Variants in MAPRE2 observed in about 807,000 individuals in gnomAD.
The protein encoded by MAPRE2 is microtubule-associated protein RP/EB family member 2.
Under a neutral mutation model 43.2 loss-of-function variants are expected in MAPRE2, and 13 were observed. The observed-to-expected ratio is 0.30, with a 90% confidence interval of 0.20 to 0.48. MAPRE2 has a LOEUF of 0.48. MAPRE2 is among the 20% of genes least tolerant of loss of function. MAPRE2 has a pLI of 0.99. For missense variants in MAPRE2, 161 were observed against 400.2 expected (o/e 0.40, Z 5.10); for synonymous variants, 135 against 148.8 (o/e 0.91, Z 0.68).
At chr18:35,034,623 G>T (rs2097049524) in intron 2 of MAPRE2, among the ~76,000 whole-genome samples, 1 of 152,000 alleles carries the variant, frequency 6.6e-6, no homozygotes, top group African/African-American at 2.4e-5. Context: ...CTGACAAAGG[G>T]CTAATATCCA....
chr18:35,080,702 G>A (rs191513590), intron 2 of MAPRE2, among the ~76,000 whole-genome samples: 301 of 152,232 alleles, frequency 2.0e-3, no homozygotes, highest in Non-Finnish European at 3.6e-3. Flanking sequence ...CTATTAAAAA[G>A]GAGTGTCAGA....
intron 6 of MAPRE2, among the ~76,000 whole-genome samples, chr18:35,139,671 CAACCCATGAA>C (rs550487682): frequency 2.3e-4 from 35 of 152,332 alleles, no homozygotes; most frequent in African/African-American, 8.2e-4. Flanking sequence ...TTGCCTGGGA[CAACCCATGAA>C]ATGTGGCTGC....
chr18:35,018,181 C>T (rs1041503280), intron 2 of MAPRE2, among the ~76,000 whole-genome samples: 1 of 151,868 alleles, frequency 6.6e-6, no homozygotes, highest in Non-Finnish European at 1.5e-5. Context: ...GGTGGGTTAA[C>T]TTTTTGATAT....
intron 1 of MAPRE2, among the ~76,000 whole-genome samples, chr18:35,057,760 T>TA (rs551208509): frequency 6.6e-4 from 101 of 152,304 alleles, no homozygotes; most frequent in African/African-American, 2.4e-3. Context: ...TTTAAGAAGA[T>TA]ACAGGGAAAT....
chr18:34,991,337 C>T (rs1187450728), intron 1 of MAPRE2, among the ~76,000 whole-genome samples: 2 of 152,108 alleles, frequency 1.3e-5, no homozygotes, highest in Non-Finnish European at 2.9e-5. Flanking sequence ...TGTGTTCGTT[C>T]ACTGAGCCTG....
rs374139204 is a variant in MAPRE2 at position 35,140,336 on chromosome 18, C to T, written c.951C>T (p.His317=). 7.4e-6 allele frequency: 12 copies of T among 1,613,634 alleles called. No individual in the cohort carries two copies. The African/African-American group carries it at 8.0e-5, about 11-fold the overall frequency. ...AGCCGGAAGCAGAGGAGCAAGCCCA[C>T]GAACAGCAGCCCCCGCAGCAGGAAG... ...TEEPEAEEQA[H]EQQPPQQEEY The change falls in exon 7 of 7, where the codon CAC becomes CAT. Residue 317 remains histidine, a synonymous_variant. Coordinates refer to ENST00000300249, the MANE Select transcript of MAPRE2 (RefSeq NM_014268.4).
At chr18:35,062,332 T>G (rs1183931277) in intron 1 of MAPRE2, among the ~76,000 whole-genome samples, 2 of 152,256 alleles carry the variant, frequency 1.3e-5, no homozygotes, top group Non-Finnish European at 2.9e-5. Flanking sequence ...AGATGCCACT[T>G]CTAAGAGAAG....
chr18:35,079,316 T>TTACTTATCA (rs1336407454), intron 2 of MAPRE2, among the ~76,000 whole-genome samples: 1 of 152,230 alleles, frequency 6.6e-6, no homozygotes, highest in Non-Finnish European at 1.5e-5. Flanking sequence ...CACAAAGGAT[T>TTACTTATCA]TACTTATCAA....
At chr18:35,055,077 T>A (rs1357672663) in intron 1 of MAPRE2, among the ~76,000 whole-genome samples, 1 of 152,218 alleles carries the variant, frequency 6.6e-6, no homozygotes, top group Non-Finnish European at 1.5e-5. Context: ...AATGTACCAA[T>A]GTTAACAGAA....
At chr18:35,083,540 G>A (rs886873595) in intron 2 of MAPRE2, among the ~76,000 whole-genome samples, 12 of 152,272 alleles carry the variant, frequency 7.9e-5, no homozygotes, top group African/African-American at 2.9e-4. Context: ...CAGCCTCCCT[G>A]GAAGCCAGTG....
chr18:35,089,649 C>T (rs1024933070), intron 2 of MAPRE2, among the ~76,000 whole-genome samples: 1 of 152,144 alleles, frequency 6.6e-6, no homozygotes, highest in Non-Finnish European at 1.5e-5. Flanking sequence ...AAACGACAGA[C>T]AAGTGGTGAT....
intron 2 of MAPRE2, among the ~76,000 whole-genome samples, chr18:35,022,785 A>G (rs1427710690): frequency 1.3e-5 from 2 of 152,232 alleles, no homozygotes; most frequent in Non-Finnish European, 2.9e-5. Context: ...TGAGAAAACC[A>G]TACAAATTCA....
At chr18:35,088,717 A>G (rs1907993578) in intron 2 of MAPRE2, among the ~76,000 whole-genome samples, 1 of 152,222 alleles carries the variant, frequency 6.6e-6, no homozygotes, top group African/African-American at 2.4e-5. Context: ...GTTTGTTGAC[A>G]TCTATTTTTA....
intron 6 of MAPRE2, among the ~76,000 whole-genome samples, chr18:35,135,824 G>A (rs999864308): frequency 6.6e-6 from 1 of 152,262 alleles, no homozygotes; most frequent in Non-Finnish European, 1.5e-5. Context: ...TGTTGGTACA[G>A]CTGTGTGTAC....
At chr18:35,130,350 C>CTATAG (rs1910092454) in intron 5 of MAPRE2, among the ~76,000 whole-genome samples, 1 of 152,116 alleles carries the variant, frequency 6.6e-6, no homozygotes, top group African/African-American at 2.4e-5. Context: ...AATGTGCAAG[C>CTATAG]TATAGTATTA....
At chr18:35,131,875 C>T in intron 5 of MAPRE2, 157 bp from the exon 6 acceptor site, 1 of 704,694 alleles carries the variant, frequency 1.4e-6, no homozygotes, top group East Asian at 2.8e-5. Context: ...GGGTCAAGCT[C>T]CAGACAACAG....
intron 1 of MAPRE2, among the ~76,000 whole-genome samples, chr18:34,997,526 A>G (rs1205777382): frequency 6.6e-6 from 1 of 152,200 alleles, no homozygotes; most frequent in South Asian, 2.1e-4. Flanking sequence ...TAAAAGAATT[A>G]CCATTTCAGC....
chr18:35,041,689 C>T (rs1402814159), intron 1 of MAPRE2, 28 bp downstream of exon 1: 1 of 1,613,696 alleles, frequency 6.2e-7, no homozygotes, highest in Admixed American at 1.7e-5. Flanking sequence ...AGAGCAGCGC[C>T]GGGGACCGCC....
chr18:35,087,244 A>C (rs1336618468), intron 2 of MAPRE2, among the ~76,000 whole-genome samples: 2 of 151,714 alleles, frequency 1.3e-5, no homozygotes, highest in African/African-American at 2.4e-5. Flanking sequence ...CAGACAGTGT[A>C]GAAAGAATAG....
Sources: gnomAD v4.1 joint callset for allele counts (sites outside exome capture counted in the v4.1 genomes callset) on GRCh38, gnomAD v4.1.1 for gene constraint, MANE v1.5 for transcripts, NCBI Gene and HGNC (gene_info 2026-07-23, HGNC 2026-07-21) for gene names.